Variants in JAG1 observed in about 807,000 individuals in gnomAD.
JAG1 encodes jagged canonical Notch ligand 1.
In JAG1, 23 loss-of-function variants were observed where a neutral mutation model predicts 148.7. That is an observed-to-expected ratio of 0.15 (90% CI 0.11 to 0.22). The LOEUF is 0.22. Ranked by LOEUF, JAG1 falls within the 10% of genes least tolerant of loss-of-function variation. The pLI is 1.00. For missense variants in JAG1, 1,054 were observed against 1,611.2 expected, an observed-to-expected ratio of 0.65 and a Z score of 5.92; for synonymous variants, 572 against 598.3, an observed-to-expected ratio of 0.96 and a Z score of 0.64.
chr20:10,664,116 A>G, intron 2 of JAG1, 102 bp from the exon 3 acceptor site: 1 of 902,214 alleles, frequency 1.1e-6, no homozygotes, highest in Non-Finnish European at 1.9e-6. Flanking sequence ...ACAAAACCAT[A>G]ATGCCAAAAT....
intron 3 of JAG1, 77 bp downstream of exon 3, chr20:10,663,886 G>C (rs1297920892): frequency 8.9e-7 from 1 of 1,122,660 alleles, no homozygotes; most frequent in Admixed American, 1.7e-5. Context: ...TAAGGAGACA[G>C]ATCCAGCTCC....
chr20:10,646,473 A>G (rs2122605191), intron 14 of JAG1: 1 of 362,488 alleles, frequency 2.8e-6, no homozygotes, highest in South Asian at 2.3e-5. Context: ...GATAAGTCTC[A>G]ACCAGTCTCC....
chr20:10,649,009 A>T, intron 11 of JAG1, 52 bp downstream of exon 11: 1 of 1,396,140 alleles, frequency 7.2e-7, no homozygotes, highest in Non-Finnish European at 1.0e-6. Context: ...GCACAAATCT[A>T]AAGATTTGTT....
chr20:10,646,143 A>G, intron 14 of JAG1, 59 bp from the exon 15 acceptor site: 2 of 1,265,252 alleles, frequency 1.6e-6, no homozygotes, highest in East Asian at 4.6e-5. Context: ...ATAGACAAGC[A>G]CTGTTCAGCA....
Position 10,673,359 on chromosome 20 carries a change from T to A in JAG1, c.81+91A>T, listed in dbSNP as rs2067511927. On this transcript the variant is annotated intron_variant, in intron 1 of 25. Transcript: ENST00000254958. The surrounding 1 kb of genome is among the most constrained non-coding windows in gnomAD (Gnocchi z 4.7). ...GGCGAGGAGTCGGGCGCTCGAGGGCTGCCGAGCCTGCTCGCGGGGCTCAAC... is the reference window on the plus strand; with the variant it reads ...GGCGAGGAGTCGGGCGCTCGAGGGCAGCCGAGCCTGCTCGCGGGGCTCAAC... 2 of 987,254 alleles carry A rather than the reference T, an allele frequency of 2.0e-6. No homozygotes were observed. The highest frequency in any genetic ancestry group is 2.9e-6 in the Non-Finnish European group (2 of 688,430). The allele number at this position is 987,254 out of a possible 1,614,324, so 61.2% of individuals were successfully genotyped here. A position where few individuals can be genotyped will look rare whatever the true frequency, so the allele number is the denominator to read the frequency against.
intron 3 of JAG1, among the ~76,000 whole-genome samples, chr20:10,663,710 A>G (rs894202944): frequency 2.6e-5 from 4 of 152,254 alleles, no homozygotes; most frequent in African/African-American, 9.6e-5. Context: ...TATCCCGAAG[A>G]TAATCTAGGT....
At chr20:10,648,921 A>C (rs548673045) in intron 11 of JAG1, 140 bp downstream of exon 11, 18 of 889,956 alleles carry the variant, frequency 2.0e-5, no homozygotes, top group East Asian at 7.8e-5. Context: ...GGGTAACATA[A>C]GCCCTAGCGA....
At chr20:10,669,540 G>T in intron 2 of JAG1, among the ~76,000 whole-genome samples, 1 of 67,150 alleles carries the variant, frequency 1.5e-5, no homozygotes. Flanking sequence ...CGTTTCATTG[G>T]ATTTTCCAAA....
Position 10,646,102 on chromosome 20 carries a change from G to A in JAG1, c.1886-18C>T, listed in dbSNP as rs774185412. On this transcript the variant is annotated intron_variant, in intron 14 of 25. Transcript: ENST00000254958. The stretch of plus-strand genomic sequence containing the variant: ...ATTAATATCTATGAAACAAAGTAAA[G>A]CAAAAAAAGAACTGAAGGACTTGTG... 8 of 1,571,322 alleles carry A rather than the reference G, an allele frequency of 5.1e-6. No homozygotes were observed. In the Admixed American group the frequency reaches 1.3e-4, roughly 26 times the overall value.
At chr20:10,646,812 C>T (rs374885502) in intron 14 of JAG1, 127 bp downstream of exon 14, 20 of 963,190 alleles carry the variant, frequency 2.1e-5, no homozygotes, top group Admixed American at 1.0e-4. Context: ...GCAACAACAG[C>T]GAAATTCGGT....
At chr20:10,663,230 CA>C (rs1289286911) in intron 3 of JAG1, among the ~76,000 whole-genome samples, 1 of 152,188 alleles carries the variant, frequency 6.6e-6, no homozygotes, top group African/African-American at 2.4e-5. Flanking sequence ...GACCGCAACC[CA>C]AACTCTGCTG....
chr20:10,672,282 G>A (rs2067501588), intron 2 of JAG1, among the ~76,000 whole-genome samples: 1 of 152,288 alleles, frequency 6.6e-6, no homozygotes, highest in South Asian at 2.1e-4. Flanking sequence ...TTGCCAATTT[G>A]GACGGCGTTC....
intron 5 of JAG1, among the ~76,000 whole-genome samples, chr20:10,653,703 C>T (rs1166464369): frequency 1.3e-5 from 2 of 152,068 alleles, no homozygotes; most frequent in African/African-American, 2.4e-5. Flanking sequence ...AAACAACCCC[C>T]GCCCCCTCTA....
At chr20:10,644,147 T>TA (rs1192537986) in intron 19 of JAG1, among the ~76,000 whole-genome samples, 2 of 152,106 alleles carry the variant, frequency 1.3e-5, no homozygotes, top group Non-Finnish European at 2.9e-5. Flanking sequence ...ACAACCTGGC[T>TA]AATTAAAGTG....
In JAG1 at chr20:10,642,522, G is replaced by A. The variant is rs2122598522; in HGVS notation, c.2538C>T (p.Cys846=). 24 of 1,613,502 alleles carry A rather than the reference G, an allele frequency of 1.5e-5. No individual in the cohort carries two copies. Among genetic ancestry groups the A allele is most frequent in the Non-Finnish European group, 2.0e-5 (24 of 1,179,460 alleles). The change falls in exon 21 of 26, where the codon TGC becomes TGT. Residue 846 remains cysteine (C), a synonymous_variant. Coordinates refer to ENST00000254958, the MANE Select transcript of JAG1 (RefSeq NM_000214.3). The part of the protein sequence containing the change: ...VDEINGYRCV[C]PPGHSGAKCQ... Reference sequence around the variant, plus strand: ...ACTTGGCACCACTGTGCCCTGGAGGGCAGACACACCGGTAGCCATTGATCT... The same window carrying A: ...ACTTGGCACCACTGTGCCCTGGAGGACAGACACACCGGTAGCCATTGATCT...
chr20:10,649,586 C>T lies in JAG1; in HGVS notation c.1284G>A (p.Lys428=). The T allele has an allele frequency of 1.2e-6, 2 of 1,614,028 alleles. No homozygotes were observed. Among genetic ancestry groups the T allele is most frequent in the African/African-American group, 2.7e-5 (2 of 75,026 alleles). The change falls in exon 10 of 26, where the codon AAG becomes AAA. Residue 428 remains lysine (K), a synonymous_variant. Transcript: ENST00000254958. ...AKPCVNAKSC[K]NLIASYYCDC... ...CGCAGTAGTAGCTGGCAATGAGATT[C>T]TTACAGGATTTGGCGTTTACACAAG...
chr20:10,642,385 C>T, intron 21 of JAG1, 103 bp downstream of exon 21: 1 of 684,420 alleles, frequency 1.5e-6, no homozygotes, highest in Non-Finnish European at 2.6e-6. Flanking sequence ...ACTGTGTGTT[C>T]CCTTCCCTGA....
intron 7 of JAG1, 56 bp from the exon 8 acceptor site, chr20:10,651,750 A>T: frequency 9.0e-7 from 1 of 1,112,992 alleles, no homozygotes; most frequent in Non-Finnish European, 1.4e-6. Context: ...TTACCTCCCC[A>T]CACCCCCCTC....
Position 10,641,137 on chromosome 20 carries a change from C to G in JAG1, c.3024G>C (p.Ala1008=). ...CAATGGCCACATGTATTTCATTGTT[C>G]GCTGAAGGGGAAGGCTCGCAAGCGA... ...IYIACEPSPS[A]NNEIHVAISA... The change falls in exon 24 of 26, where the codon GCG becomes GCC. Residue 1008 remains alanine, a synonymous_variant. Coordinates refer to ENST00000254958, the MANE Select transcript of JAG1 (RefSeq NM_000214.3). 1 of 1,613,956 alleles carries G rather than the reference C, an allele frequency of 6.2e-7. No individual in the cohort carries two copies. Among genetic ancestry groups the G allele is most frequent in the Non-Finnish European group, 8.5e-7 (1 of 1,180,010 alleles).
Sources: gnomAD v4.1 joint callset for allele counts (sites outside exome capture counted in the v4.1 genomes callset) on GRCh38, gnomAD v4.1.1 for gene constraint, Gnocchi (gnomAD v3.1) non-coding constraint, MANE v1.5 for transcripts, NCBI Gene and HGNC (gene_info 2026-07-23, HGNC 2026-07-21) for gene names.